CHRNA3: variants seen among roughly 807,000 people sequenced by gnomAD.
The protein encoded by CHRNA3 is neuronal acetylcholine receptor subunit alpha-3.
CHRNA3 carries 34 observed loss-of-function variants against 41.9 expected under a neutral mutation model. The observed-to-expected ratio is 0.81, with a 90% CI of 0.62 to 1.08. CHRNA3 has a LOEUF of 1.08. Ranked by LOEUF, CHRNA3 falls within the 50% of genes least tolerant of loss-of-function variation. The pLI is 0.00. For missense variants in CHRNA3, 542 were observed against 638.3 expected, an observed-to-expected ratio of 0.85 and a Z score of 1.63; for synonymous variants, 281 against 265.2, an observed-to-expected ratio of 1.06 and a Z score of -0.58.
intron 4 of CHRNA3, among the ~76,000 whole-genome samples, chr15:78,605,522 A>AG (rs2053270323): frequency 1.5e-5 from 2 of 135,656 alleles, no homozygotes; most frequent in African/African-American, 5.0e-5. Context: ...CGAGGACCCC[A>AG]CTCTGCACTG....
At chr15:78,608,250 C>T (rs367847860) in intron 4 of CHRNA3, among the ~76,000 whole-genome samples, 8 of 152,236 alleles carry the variant, frequency 5.3e-5, no homozygotes, top group Admixed American at 1.3e-4. Flanking sequence ...AATCTGAGAA[C>T]GGGCAGACTG....
At chr15:78,594,658 CAA>C (rs2053070973), downstream of CHRNA3, 1 of 152,198 alleles carries the variant, frequency 6.6e-6, no homozygotes, top group South Asian at 2.1e-4. Context: ...AGCCTGGCAA[CAA>C]GAGCAAAACT....
At chr15:78,610,579 T>C (rs548261944) in intron 4 of CHRNA3, among the ~76,000 whole-genome samples, 1 of 152,046 alleles carries the variant, frequency 6.6e-6, no homozygotes, top group South Asian at 2.1e-4. Context: ...CAAAGCAGTG[T>C]GTAGAGAGAA....
At chr15:78,594,245 C>T (rs1035742306), downstream of CHRNA3, 2 of 152,178 alleles carry the variant, frequency 1.3e-5, no homozygotes, top group East Asian at 1.9e-4. Context: ...AGTAGCATAT[C>T]CTTAACATTA....
rs200437117 is a variant in CHRNA3, at chr15:78,602,268, C to T, written c.378-4G>A. The T allele has an allele frequency of 3.1e-6, 5 of 1,611,670 alleles. No individual in the cohort carries two copies. Among genetic ancestry groups the T allele is most frequent in the Non-Finnish European group, 4.2e-6 (5 of 1,178,460 alleles). ...CACCTGGAAATCCCCAACAGCACTG[C>T]AAAGACAAAGAGGGGGCACAGTGAC... On this transcript the variant is annotated splice_polypyrimidine_tract_variant and splice_region_variant and intron_variant, in intron 4 of 5. Coordinates refer to ENST00000326828, the MANE Select transcript of CHRNA3 (RefSeq NM_000743.5).
At chr15:78,610,970 G>C (rs997277030) in intron 4 of CHRNA3, among the ~76,000 whole-genome samples, 1 of 152,144 alleles carries the variant, frequency 6.6e-6, no homozygotes, top group African/African-American at 2.4e-5. Flanking sequence ...AGAAAATCTA[G>C]AAGAAATGGA....
At position 78,595,474 on chromosome 15, in the gene CHRNA3, A is replaced by G. The variant is rs934504090; in HGVS notation, c.*1130T>C. On this transcript the variant is annotated 3_prime_UTR_variant, in exon 6 of 6. Coordinates refer to ENST00000326828, the MANE Select transcript of CHRNA3 (RefSeq NM_000743.5). ...AAGCAATGTTTCTCAACCAGGGGCA[A>G]TTTTGCTCCTAAGGGAACATTTAAC... 2.1e-5 allele frequency: 20 copies of G among 940,224 alleles called. No homozygotes were observed. Among genetic ancestry groups the G allele is most frequent in the East Asian group, 2.3e-4 (2 of 8,638 alleles). 58.2% of individuals were successfully genotyped at this position (940,224 alleles called of 1,614,324 possible). A position where few individuals can be genotyped will look rare whatever the true frequency, so the allele number is the denominator to read the frequency against.
chr15:78,620,389 C>CAGCGCGGGGCAGGGCGACGGGT, intron 1 of CHRNA3: 3 of 344,246 alleles, frequency 8.7e-6, no homozygotes, highest in Non-Finnish European at 5.2e-6. Flanking sequence ...GGGCGACGGG[C>CAGCGCGGGGCAGGGCGACGGGT]AGCGCGGGGA....
At chr15:78,610,493 G>C (rs944019585) in intron 4 of CHRNA3, among the ~76,000 whole-genome samples, 1 of 151,998 alleles carries the variant, frequency 6.6e-6, no homozygotes, top group Non-Finnish European at 1.5e-5. Context: ...CATAACGAAA[G>C]GTAGGCAGAA....
At chr15:78,603,457 A>G (rs1019929150) in intron 4 of CHRNA3, among the ~76,000 whole-genome samples, 2 of 152,210 alleles carry the variant, frequency 1.3e-5, no homozygotes, top group African/African-American at 4.8e-5. Context: ...TTGCTTCCAC[A>G]ACAATGGCCC....
chr15:78,617,166 C>T lies in CHRNA3; in HGVS notation c.268-33G>A, dbSNP rs202084286. ...AAGGAAGCAGGGAGGGAGAAGGAGA[C>T]GGTAAAAGAATCAGCCTGGTTTTAC... On this transcript the variant is annotated intron_variant, in intron 3 of 5. Coordinates refer to ENST00000326828, the MANE Select transcript of CHRNA3 (RefSeq NM_000743.5). 1.1e-4 allele frequency: 166 copies of T among 1,453,938 alleles called. No individual in the cohort carries two copies. In the East Asian group the frequency reaches 1.6e-3, roughly 14 times the overall value. The allele number at this position is 1,453,938 out of a possible 1,614,324, so 90.1% of individuals were successfully genotyped here.
At chr15:78,597,418 G>A (rs543517412) in intron 5 of CHRNA3, among the ~76,000 whole-genome samples, 70 of 146,928 alleles carry the variant, frequency 4.8e-4, no homozygotes, top group Admixed American at 2.0e-3. Flanking sequence ...GCAACAGAGC[G>A]AGACCCTGTC....
intron 4 of CHRNA3, chr15:78,607,316 A>G (rs1459769903): frequency 6.6e-6 from 1 of 152,252 alleles, no homozygotes; most frequent in Non-Finnish European, 1.5e-5. Context: ...AAAGGTTACA[A>G]TGAATTATGA....
chr15:78,616,920 T>C, intron 4 of CHRNA3, 104 bp downstream of exon 4: 1 of 688,906 alleles, frequency 1.5e-6, no homozygotes. Context: ...GAATGCAGCC[T>C]TCTTGGAAAA....
At chr15:78,617,516 T>C (rs993830081) in intron 3 of CHRNA3, among the ~76,000 whole-genome samples, 3 of 151,850 alleles carry the variant, frequency 2.0e-5, no homozygotes, top group Admixed American at 1.3e-4. Flanking sequence ...CCAGGGGTGT[T>C]TTCCAACATA....
In CHRNA3 at chr15:78,620,841, G is replaced by A; in HGVS notation, c.-47C>T. 5 of 1,331,728 alleles carry A rather than the reference G, an allele frequency of 3.8e-6. No individual in the cohort carries two copies. Among genetic ancestry groups the A allele is most frequent in the Non-Finnish European group, 4.8e-6 (5 of 1,050,486 alleles). 82.5% of individuals were successfully genotyped at this position (1,331,728 alleles called of 1,614,324 possible). A position where few individuals can be genotyped will look rare whatever the true frequency, so the allele number is the denominator to read the frequency against. ...CGGACCCGGACGGTCGGGAGCGGGC[G>A]CGGCGGTCGCAGAGACGGCCTCTCC... On this transcript the variant is annotated 5_prime_UTR_variant, in exon 1 of 6. Transcript: ENST00000326828.
rs1170246303 is a variant in CHRNA3 at position 78,620,989 on chromosome 15, T to C, written c.-195A>G. On this transcript the variant is annotated 5_prime_UTR_variant, in exon 1 of 6. The change abolishes an upstream ATG in the 5' untranslated region. Transcript: ENST00000326828. ...CGGACCCGCGGGAGGACAGGAACCA[T>C]CCGGAGTGAAGCTGCGCCAGGCGCG... 4.8e-6 allele frequency: 2 copies of C among 414,060 alleles called. No homozygotes were observed. Among genetic ancestry groups the C allele is most frequent in the African/African-American group, 2.2e-5 (1 of 45,760 alleles). 25.6% of individuals were successfully genotyped at this position (414,060 alleles called of 1,614,324 possible). A position where few individuals can be genotyped will look rare whatever the true frequency, so the allele number is the denominator to read the frequency against.
chr15:78,595,248 T>TCA (rs2053082869), downstream of CHRNA3: 1 of 974,936 alleles, frequency 1.0e-6, no homozygotes, highest in African/African-American at 1.8e-5. Flanking sequence ...TTATGATTTT[T>TCA]ATATATAAAT....
rs2053194338 is a variant in CHRNA3 at position 78,601,372 on chromosome 15, T to C, written c.1270A>G (p.Ser424Gly). 1 of 1,614,084 alleles carries C rather than the reference T, an allele frequency of 6.2e-7. No individual in the cohort carries two copies. The highest frequency in any genetic ancestry group is 1.7e-5 in the Admixed American group (1 of 59,994). The change falls in exon 5 of 6, where the codon AGT (serine) becomes GGT (glycine). Residue 424 changes from serine to glycine, a missense_variant. Physicochemically the swap from Ser to Gly is moderately conservative, Grantham distance 56. Coordinates refer to ENST00000326828, the MANE Select transcript of CHRNA3 (RefSeq NM_000743.5). ...NFSANLTRSS[S>G]SESVDAVLSL... Reference sequence around the variant, plus strand: ...AGCACAGCATCAACAGATTCAGAACTAGAGCTTCTCGTGAGGTTAGCACTG... The same window carrying C: ...AGCACAGCATCAACAGATTCAGAACCAGAGCTTCTCGTGAGGTTAGCACTG...
Sources: allele counts gnomAD v4.1 joint callset (sites outside exome capture counted in the v4.1 genomes callset), GRCh38; gene constraint gnomAD v4.1.1; transcripts MANE v1.5; gene names NCBI Gene and HGNC (gene_info 2026-07-23, HGNC 2026-07-21).